Variants in COL24A1 observed in about 807,000 individuals in gnomAD.
COL24A1 encodes collagen alpha-1(XXIV) chain.
COL24A1 carries 224 observed loss-of-function variants against 253.9 expected under a neutral mutation model. That is an observed-to-expected ratio of 0.88 (90% CI 0.79 to 0.99). The LOEUF is 0.99. Ranked by LOEUF, COL24A1 falls within the 50% of genes least tolerant of loss-of-function variation. The pLI is 0.00. For missense variants in COL24A1, 2,131 were observed against 2,068.5 expected (o/e 1.03, Z -0.59); for synonymous variants, 685 against 673.7 (o/e 1.02, Z -0.26).
chr1:85,812,105 G>A (rs1290109219), intron 47 of COL24A1, among the ~76,000 whole-genome samples: 1 of 44,720 alleles, frequency 2.2e-5, no homozygotes, highest in African/African-American at 8.4e-5. Context: ...CTACGCTCTC[G>A]TTCTCTGTTT....
intron 31 of COL24A1, among the ~76,000 whole-genome samples, chr1:85,889,971 C>T (rs907211390): frequency 3.9e-5 from 6 of 152,000 alleles, no homozygotes; most frequent in African/African-American, 1.4e-4. Context: ...AATTTGACTA[C>T]CCTAAGTACC....
chr1:85,879,358 T>C (rs1681564785), intron 32 of COL24A1, among the ~76,000 whole-genome samples: 1 of 152,110 alleles, frequency 6.6e-6, no homozygotes, highest in Non-Finnish European at 1.5e-5. Context: ...GAAAAGACTA[T>C]CCATTGTATT....
At chr1:85,758,094 C>T (rs1014863433) in intron 55 of COL24A1, among the ~76,000 whole-genome samples, 2 of 152,056 alleles carry the variant, frequency 1.3e-5, no homozygotes, top group South Asian at 2.1e-4. Flanking sequence ...CCAAATCATT[C>T]GAGTGAAGAG....
intron 12 of COL24A1, among the ~76,000 whole-genome samples, chr1:86,039,049 A>C (rs1284441811): frequency 6.6e-6 from 1 of 152,176 alleles, no homozygotes. Context: ...ACATAGTAAC[A>C]AGAGTGACTG....
intron 3 of COL24A1, among the ~76,000 whole-genome samples, chr1:86,120,615 T>C (rs1706652066): frequency 6.6e-6 from 1 of 152,194 alleles, no homozygotes; most frequent in African/African-American, 2.4e-5. Context: ...CCAGTTAGAA[T>C]GGCGATCATT....
intron 33 of COL24A1, 78 bp from the exon 34 acceptor site, chr1:85,875,408 G>A (rs1681038620): frequency 4.4e-6 from 5 of 1,131,928 alleles, no homozygotes; most frequent in East Asian, 4.7e-5. Context: ...GAACTCAAGG[G>A]TGAGATACCT....
rs113146966 is a variant in COL24A1, at chr1:85,804,722, C to T, written c.3951+12066G>A. Reference sequence around the variant, plus strand: ...ATGAGAAAGACCCACTCCCACAATTCAGTCATCTCCCACCAGGTCCCTCCA... The same window carrying T: ...ATGAGAAAGACCCACTCCCACAATTTAGTCATCTCCCACCAGGTCCCTCCA... On this transcript the variant is annotated intron_variant, in intron 47 of 59. Transcript: ENST00000370571. 5.9e-3 allele frequency among the ~76,000 whole-genome samples: 905 copies of T among 152,282 alleles called. 4 individuals carry two copies. The highest frequency in any genetic ancestry group is 0.021 in the African/African-American group (856 of 41,554).
intron 41 of COL24A1, 42 bp downstream of exon 41, chr1:85,842,026 A>G (rs942786363): frequency 2.6e-6 from 4 of 1,538,628 alleles, no homozygotes; most frequent in Non-Finnish European, 2.7e-6. Flanking sequence ...TCATGAACTC[A>G]ATGTTTAACT....
At chr1:85,921,797 A>C (rs1211526431) in intron 24 of COL24A1, among the ~76,000 whole-genome samples, 1 of 152,202 alleles carries the variant, frequency 6.6e-6, no homozygotes, top group Non-Finnish European at 1.5e-5. Context: ...CAACTGAACA[A>C]AGCTGGGCAG....
At chr1:85,732,419 C>T (rs1244796818) in intron 59 of COL24A1, among the ~76,000 whole-genome samples, 11 of 151,682 alleles carry the variant, frequency 7.3e-5, no homozygotes, top group Middle Eastern at 3.2e-3. Context: ...TTAGTAGAGA[C>T]GGGGTTTCAC....
chr1:86,065,109 C>T (rs1701374777), intron 7 of COL24A1, among the ~76,000 whole-genome samples: 1 of 152,140 alleles, frequency 6.6e-6, no homozygotes, highest in Non-Finnish European at 1.5e-5. Context: ...AGGGTGTGAG[C>T]TGGAAGTTTC....
chr1:85,952,134 T>C (rs1689995370), intron 24 of COL24A1, among the ~76,000 whole-genome samples: 1 of 152,208 alleles, frequency 6.6e-6, no homozygotes, highest in Non-Finnish European at 1.5e-5. Context: ...TGACATTCTC[T>C]GATAACTTTT....
Position 85,841,238 on chromosome 1 carries a change from C to A in COL24A1, c.3611G>T (p.Gly1204Val). Reference protein sequence around the residue: ...GEDSTVLGPPGPRGEPGPVGD... With the variant: ...GEDSTVLGPPVPRGEPGPVGD... Reference sequence around the variant, plus strand: ...AAGACCTACTGGTTCACCTCGAGGCCCAGGTGGTCCTAGGACTGTGCTATC... The same window carrying A: ...AAGACCTACTGGTTCACCTCGAGGCACAGGTGGTCCTAGGACTGTGCTATC... Residue 1204 changes from glycine (G) to valine (V), a missense_variant, in exon 42 of 60, where the codon GGG becomes GTG. Coordinates refer to ENST00000370571, the MANE Select transcript of COL24A1 (RefSeq NM_152890.7). 1 of 1,602,838 alleles carries A rather than the reference C, an allele frequency of 6.2e-7. No homozygotes were observed. The highest frequency in any genetic ancestry group is 8.5e-7 in the Non-Finnish European group (1 of 1,175,656).
At chr1:85,935,824 T>C (rs562242049) in intron 24 of COL24A1, among the ~76,000 whole-genome samples, 7 of 147,554 alleles carry the variant, frequency 4.7e-5, no homozygotes, top group African/African-American at 1.7e-4. Flanking sequence ...GTGAACAACT[T>C]AGAGCAGTAG....
chr1:86,034,026 T>A (rs1698804640), intron 12 of COL24A1, 103 bp from the exon 13 acceptor site: 1 of 798,784 alleles, frequency 1.3e-6, no homozygotes, highest in South Asian at 2.3e-5. Flanking sequence ...ATTTCCTAAC[T>A]CTTAAACTGT....
intron 6 of COL24A1, among the ~76,000 whole-genome samples, chr1:86,092,027 A>G (rs61802173): frequency 0.13 from 19,782 of 152,094 alleles, 1,336 homozygotes; most frequent in Middle Eastern, 0.22. Flanking sequence ...GGCAGATAGT[A>G]CAGTGGCAGG....
intron 19 of COL24A1, among the ~76,000 whole-genome samples, chr1:86,008,814 G>GAAAAATTAACATTT (rs1696221534): frequency 6.6e-6 from 1 of 151,756 alleles, no homozygotes; most frequent in African/African-American, 2.4e-5. Flanking sequence ...AATTAACATT[G>GAAAAATTAACATTT]AAAAATCAAC....
Position 86,052,638 on chromosome 1 carries a change from G to GT in COL24A1, c.1852-2462dup, listed in dbSNP as rs1302890487. Among the ~76,000 whole-genome samples, 3 of 152,066 alleles carry GT rather than the reference G, an allele frequency of 2.0e-5. No individual in the cohort carries two copies. In the East Asian group the frequency reaches 5.8e-4, roughly 29 times the overall value. On this transcript the variant is annotated intron_variant, in intron 10 of 59. Transcript: ENST00000370571. ...GTTTCAGTTTGGGAAGATGAAAAAA[G>GT]TTTTTAAGATGGATGGTGGCAATGG...
chr1:86,051,117 T>C (rs1700265773), intron 10 of COL24A1, among the ~76,000 whole-genome samples: 1 of 152,134 alleles, frequency 6.6e-6, no homozygotes. Context: ...TAGGCCAACC[T>C]GTTAGAAGGC....
Sources: allele counts gnomAD v4.1 joint callset (sites outside exome capture counted in the v4.1 genomes callset), GRCh38; gene constraint gnomAD v4.1.1; transcripts MANE v1.5; gene names NCBI Gene and HGNC (gene_info 2026-07-23, HGNC 2026-07-21).